The following EIF2B1 variants were observed in gnomAD, a reference collection of about 807,000 sequenced individuals.
EIF2B1 encodes translation initiation factor eIF2B subunit alpha.
EIF2B1 carries 30 observed loss-of-function variants against 36.8 expected under a neutral mutation model. That is an observed-to-expected ratio of 0.81 (90% confidence interval 0.61 to 1.10). EIF2B1 has a LOEUF of 1.10. Among genes scored for constraint, EIF2B1 ranks in the 50% least tolerant of loss-of-function variants. EIF2B1 has a pLI of 0.00. For synonymous variants in EIF2B1, 139 were observed against 142.2 expected, an observed-to-expected ratio of 0.98 and a Z score of 0.16; for missense variants, 271 against 374.8, an observed-to-expected ratio of 0.72 and a Z score of 2.29.
chr12:123,627,787 G>C (rs1369098473), intron 4 of EIF2B1, among the ~76,000 whole-genome samples: 6 of 152,210 alleles, frequency 3.9e-5, no homozygotes, highest in Non-Finnish European at 7.3e-5. Flanking sequence ...CTGGGAGGTT[G>C]AGGCTGCAGT....
At chr12:123,629,071 G>A (rs1470283844) in intron 4 of EIF2B1, among the ~76,000 whole-genome samples, 2 of 152,138 alleles carry the variant, frequency 1.3e-5, no homozygotes, top group Non-Finnish European at 2.9e-5. Context: ...TTTTCTACAA[G>A]TTTCACTCAC....
At chr12:123,631,622 CAA>C (rs935321395) in intron 2 of EIF2B1, among the ~76,000 whole-genome samples, 26 of 151,934 alleles carry the variant, frequency 1.7e-4, no homozygotes, top group African/African-American at 5.8e-4. Flanking sequence ...TTCTGGCTAA[CAA>C]AGTGAAACCC....
At chr12:123,626,835 C>T in intron 5 of EIF2B1, 1 of 704,000 alleles carries the variant, frequency 1.4e-6, no homozygotes, top group Non-Finnish European at 2.6e-6. Flanking sequence ...ACGGAGTTAA[C>T]TACTTAAGTG....
intron 6 of EIF2B1, 86 bp downstream of exon 6, chr12:123,626,339 G>C (rs1356546600): frequency 3.3e-6 from 5 of 1,531,702 alleles, no homozygotes; most frequent in Non-Finnish European, 4.5e-6. Flanking sequence ...CTTTATGAAC[G>C]GGACTCAAAC....
intron 8 of EIF2B1, 153 bp downstream of exon 8, chr12:123,622,483 G>C: frequency 9.2e-7 from 1 of 1,083,620 alleles, no homozygotes; most frequent in Non-Finnish European, 1.3e-6. Context: ...AGGGACAAAT[G>C]TGTGAGTCCA....
chr12:123,620,626 A>ATATAAAAGCTCTTTTTTCTGAGGCTATT lies in EIF2B1; in HGVS notation c.*1129_*1130insAATAGCCTCAGAAAAAAGAGCTTTTATA, dbSNP rs1955073468. ...TATATATATATATATATATATATAT[A>ATATAAAAGCTCTTTTTTCTGAGGCTATT]TAAGCTCTTTTTTCTGAGGCTATTT... On this transcript the variant is annotated 3_prime_UTR_variant, in exon 9 of 9. Transcript: ENST00000424014. The ATATAAAAGCTCTTTTTTCTGAGGCTATT allele has an allele frequency of 9.8e-6, 1 of 102,404 alleles. No homozygotes were observed. Among genetic ancestry groups the ATATAAAAGCTCTTTTTTCTGAGGCTATT allele is most frequent in the Non-Finnish European group, 2.0e-5 (1 of 49,130 alleles). The allele number at this position is 102,404 out of a possible 1,614,324, so 6.3% of individuals were successfully genotyped here. A position where few individuals can be genotyped will look rare whatever the true frequency, so the allele number is the denominator to read the frequency against.
chr12:123,625,780 C>T (rs766724414), intron 6 of EIF2B1, among the ~76,000 whole-genome samples: 1 of 152,176 alleles, frequency 6.6e-6, no homozygotes, highest in Admixed American at 6.5e-5. Flanking sequence ...CACAGAAATA[C>T]AGAGCCCTGA....
At chr12:123,624,889 T>G (rs1955136665) in intron 6 of EIF2B1, 27 bp from the exon 7 acceptor site, 1 of 1,598,968 alleles carries the variant, frequency 6.3e-7, no homozygotes. Flanking sequence ...CTTTTCATGC[T>G]TTATTTTCTT....
intron 5 of EIF2B1, chr12:123,626,773 A>G: frequency 3.1e-6 from 2 of 655,614 alleles, no homozygotes; most frequent in Non-Finnish European, 5.5e-6. Context: ...AGGGAGATAT[A>G]AGTTACCTAT....
intron 8 of EIF2B1, among the ~76,000 whole-genome samples, 173 bp from the exon 9 acceptor site, chr12:123,622,093 C>CATG (rs2135759167): frequency 1.3e-5 from 2 of 152,300 alleles, no homozygotes; most frequent in South Asian, 4.1e-4. Context: ...TGAGCCAGAT[C>CATG]ATGGCAGTGT....
rs1955053162 is a variant in EIF2B1 at position 123,620,576 on chromosome 12, CATATTATAT to C, written c.*1171_*1179del. On this transcript the variant is annotated 3_prime_UTR_variant, in exon 9 of 9. Transcript: ENST00000424014. ...GATGGGTCACATATAGACATATGTA[CATATTATAT>C]ATATATATATATATATATATATATA... is the stretch of plus-strand genomic sequence containing the variant. The C allele has an allele frequency of 3.4e-5, 2 of 59,646 alleles. No individual in the cohort carries two copies. The highest frequency in any genetic ancestry group is 1.2e-4 in the African/African-American group (2 of 16,146). 3.7% of individuals were successfully genotyped at this position (59,646 alleles called of 1,614,324 possible). A position where few individuals can be genotyped will look rare whatever the true frequency, so the allele number is the denominator to read the frequency against.
Position 123,630,141 on chromosome 12 carries a change from C to A in EIF2B1, c.369+28G>T, listed in dbSNP as rs1294580175. The A allele has an allele frequency of 6.2e-7, 1 of 1,604,972 alleles. No individual in the cohort carries two copies. The highest frequency in any genetic ancestry group is 1.3e-5 in the African/African-American group (1 of 74,734). On this transcript the variant is annotated intron_variant, in intron 4 of 8. Transcript: ENST00000424014. The surrounding 1 kb of genome is among the most constrained non-coding windows in gnomAD (Gnocchi z 4.6). Reference sequence around the variant, plus strand: ...GTCGGACTCGAAACCGTTGCTCCTCCTTACCACCATGATGATTATCCACTC... The same window carrying A: ...GTCGGACTCGAAACCGTTGCTCCTCATTACCACCATGATGATTATCCACTC...
intron 1 of EIF2B1, 53 bp downstream of exon 1, chr12:123,633,492 G>T: frequency 4.3e-6 from 7 of 1,612,954 alleles, no homozygotes; most frequent in South Asian, 1.1e-5. Flanking sequence ...AGGTTGGGGG[G>T]ACCCCTGAAC....
chr12:123,620,620 AT>A lies in EIF2B1; in HGVS notation c.*1135del, dbSNP rs1566211648. 60 of 96,652 alleles carry A rather than the reference AT, an allele frequency of 6.2e-4. No homozygotes were observed. The highest frequency in any genetic ancestry group is 1.1e-3 in the Non-Finnish European group (48 of 44,968). 6.0% of individuals were successfully genotyped at this position (96,652 alleles called of 1,614,324 possible). On this transcript the variant is annotated 3_prime_UTR_variant, in exon 9 of 9. Coordinates refer to ENST00000424014, the MANE Select transcript of EIF2B1 (RefSeq NM_001414.4). ...TATATATATATATATATATATATAT[AT>A]ATATATAAGCTCTTTTTTCTGAGGC... is the stretch of plus-strand genomic sequence containing the variant.
intron 7 of EIF2B1, 105 bp from the exon 8 acceptor site, chr12:123,622,866 T>C (rs1337728808): frequency 2.6e-6 from 4 of 1,565,928 alleles, no homozygotes; most frequent in East Asian, 2.3e-5. Context: ...TTCCAGCATT[T>C]TGGGAGGCCG....
intron 1 of EIF2B1, among the ~76,000 whole-genome samples, chr12:123,632,684 C>T (rs1003474498): frequency 6.6e-6 from 1 of 152,106 alleles, no homozygotes; most frequent in Admixed American, 6.5e-5. Flanking sequence ...CGGTGGCTCA[C>T]GCCTGTAATC....
intron 7 of EIF2B1, among the ~76,000 whole-genome samples, chr12:123,624,551 C>T (rs1955133897): frequency 2.0e-5 from 3 of 152,166 alleles, no homozygotes; most frequent in South Asian, 4.1e-4. Flanking sequence ...TAAGGCATCA[C>T]ACCTGACCAA....
chr12:123,622,630 T>G lies in EIF2B1; in HGVS notation c.753+6A>C. The G allele has an allele frequency of 6.2e-7, 1 of 1,614,056 alleles. No individual in the cohort carries two copies. Among genetic ancestry groups the G allele is most frequent in the African/African-American group, 1.3e-5 (1 of 75,074 alleles). On this transcript the variant is annotated splice_donor_region_variant and intron_variant, in intron 8 of 8. Coordinates refer to ENST00000424014, the MANE Select transcript of EIF2B1 (RefSeq NM_001414.4). The stretch of plus-strand genomic sequence containing the variant: ...TAGTACCCCTTCAAATATGTAAAAC[T>G]CTTGCCTTAAACTTATCTGGGACGT...
intron 5 of EIF2B1, chr12:123,626,771 ATAAGTTACC>A: frequency 1.5e-6 from 1 of 654,186 alleles, no homozygotes; most frequent in East Asian, 2.7e-5. Context: ...AGAGGGAGAT[ATAAGTTACC>A]TATTCCTTGA....
Sources: gnomAD v4.1 joint callset for allele counts (sites outside exome capture counted in the v4.1 genomes callset) on GRCh38, gnomAD v4.1.1 for gene constraint, Gnocchi (gnomAD v3.1) non-coding constraint, MANE v1.5 for transcripts, NCBI Gene and HGNC (gene_info 2026-07-23, HGNC 2026-07-21) for gene names.